Variants in GLUL observed in about 807,000 individuals in gnomAD.
GLUL encodes glutamate-ammonia ligase.
GLUL carries 8 observed loss-of-function variants against 36.9 expected under a neutral mutation model. The ratio of observed to expected loss-of-function variants is 0.22; its 90% CI spans 0.13 to 0.39. The LOEUF (loss-of-function observed/expected upper bound fraction) is 0.39, where lower values mean the gene tolerates loss of function less well. GLUL is among the 10% of genes least tolerant of loss of function. GLUL has a pLI of 1.00. For synonymous variants in GLUL, 182 were observed against 172.8 expected, an observed-to-expected ratio of 1.05 and a Z score of -0.42; for missense variants, 315 against 501.8, an observed-to-expected ratio of 0.63 and a Z score of 3.56.
chr1:182,388,931 T>C (rs1057422499), intron 1 of GLUL, 181 bp from the exon 2 acceptor site: 10 of 611,218 alleles, frequency 1.6e-5, no homozygotes, highest in Admixed American at 9.7e-5. Flanking sequence ...AGTTTTATAG[T>C]AGGCAAAAAT....
chr1:182,391,131 C>T, intron 1 of GLUL: 1 of 398,556 alleles, frequency 2.5e-6, no homozygotes, highest in Non-Finnish European at 4.4e-6. Flanking sequence ...TTGGAAGGCC[C>T]CCGGGACCCC....
chr1:182,383,213 GAC>G lies in GLUL; in HGVS notation c.*1190_*1191del, dbSNP rs1650013212. 6.6e-6 allele frequency: 1 copy of G among 152,224 alleles called. No individual in the cohort carries two copies. Among genetic ancestry groups the G allele is most frequent in the South Asian group, 2.1e-4 (1 of 4,836 alleles). 9.4% of individuals were successfully genotyped at this position (152,224 alleles called of 1,614,324 possible). ...ATCTCCTCCAAGAGCAGAGGTAGGA[GAC>G]AGTTGAAGCAAACAAGCAATTCTGT... On this transcript the variant is annotated 3_prime_UTR_variant, in exon 7 of 7. Coordinates refer to ENST00000331872, the MANE Select transcript of GLUL (RefSeq NM_001033044.4).
rs548591171 is a variant in GLUL, at chr1:182,379,078, G to A, written c.*5327C>T. ...ATTACAGGCTTGAGCCACCATGCCC[G>A]GCCTGAAGTAGAATTTTTTTAAATG... On this transcript the variant is annotated 3_prime_UTR_variant, in exon 7 of 7. Transcript: ENST00000331872. Among the ~76,000 whole-genome samples the A allele has an allele frequency of 2.3e-4, 35 of 150,970 alleles. No individual in the cohort carries two copies. The highest frequency in any genetic ancestry group is 6.8e-4 in the African/African-American group (28 of 41,120).
rs1351220409 is a variant in GLUL, at chr1:182,380,724, T to TA, written c.*3680dup. Reference sequence around the variant, plus strand: ...AAACTGATACTTAAAAATAACTTATTAAATAAGTATTGCAGGCACTACAAC... The same window carrying TA: ...AAACTGATACTTAAAAATAACTTATTAAAATAAGTATTGCAGGCACTACAAC... On this transcript the variant is annotated 3_prime_UTR_variant, in exon 7 of 7. Transcript: ENST00000331872. 2.6e-5 allele frequency among the ~76,000 whole-genome samples: 4 copies of TA among 152,218 alleles called. No homozygotes were observed. Among genetic ancestry groups the TA allele is most frequent in the African/African-American group, 9.6e-5 (4 of 41,454 alleles).
chr1:182,381,631 T>C lies in GLUL; in HGVS notation c.*2774A>G, dbSNP rs752788371. ...GTTGTTTTCACCTAAATTCTGATCC[T>C]ATGAATTTAAAATTCCTTCTCATGC... is the stretch of plus-strand genomic sequence containing the variant. On this transcript the variant is annotated 3_prime_UTR_variant, in exon 7 of 7. Coordinates refer to ENST00000331872, the MANE Select transcript of GLUL (RefSeq NM_001033044.4). 6.6e-6 allele frequency: 1 copy of C among 152,234 alleles called. No homozygotes were observed. The highest frequency in any genetic ancestry group is 1.5e-5 in the Non-Finnish European group (1 of 68,050). 9.4% of individuals were successfully genotyped at this position (152,234 alleles called of 1,614,324 possible). A position where few individuals can be genotyped will look rare whatever the true frequency, so the allele number is the denominator to read the frequency against.
chr1:182,385,008 T>C (rs1021312916), intron 6 of GLUL: 3 of 406,678 alleles, frequency 7.4e-6, no homozygotes, highest in Non-Finnish European at 1.3e-5. Context: ...TTCAAATGCA[T>C]GAATTTGTCA....
Position 182,381,421 on chromosome 1 carries a change from G to T in GLUL, c.*2984C>A, listed in dbSNP as rs1649923220. 6.6e-6 allele frequency among the ~76,000 whole-genome samples: 1 copy of T among 152,120 alleles called. No homozygotes were observed. The highest frequency in any genetic ancestry group is 1.5e-5 in the Non-Finnish European group (1 of 68,034). On this transcript the variant is annotated 3_prime_UTR_variant, in exon 7 of 7. Transcript: ENST00000331872. ...TGGAGACCTCCTTTTGTAAATACTGGCCTGACTCCTTAAGGTTGAAAGCTT... is the reference window on the plus strand; with the variant it reads ...TGGAGACCTCCTTTTGTAAATACTGTCCTGACTCCTTAAGGTTGAAAGCTT...
At position 182,380,609 on chromosome 1, in the gene GLUL, A is replaced by G. The variant is rs1571399504; in HGVS notation, c.*3796T>C. ...CTTCACCTGGCCTTGATTCTTTTTAAGCTCAATAAAAATGGAACTTTGTCT... is the reference window on the plus strand; with the variant it reads ...CTTCACCTGGCCTTGATTCTTTTTAGGCTCAATAAAAATGGAACTTTGTCT... On this transcript the variant is annotated 3_prime_UTR_variant, in exon 7 of 7. Transcript: ENST00000331872. 1.3e-5 allele frequency among the ~76,000 whole-genome samples: 2 copies of G among 152,340 alleles called. No individual in the cohort carries two copies. Among genetic ancestry groups the G allele is most frequent in the South Asian group, 4.1e-4 (2 of 4,826 alleles).
In GLUL at chr1:182,378,827, G is replaced by T. The variant is rs1350240192; in HGVS notation, c.*5578C>A. On this transcript the variant is annotated 3_prime_UTR_variant, in exon 7 of 7. Transcript: ENST00000331872. ...GAGTCACACTCTGTTGCCTAGGCTGGAGTGCAATGGTGCAAGCTTGGCTCA... is the reference window on the plus strand; with the variant it reads ...GAGTCACACTCTGTTGCCTAGGCTGTAGTGCAATGGTGCAAGCTTGGCTCA... 6.6e-6 allele frequency among the ~76,000 whole-genome samples: 1 copy of T among 152,102 alleles called. No homozygotes were observed. The highest frequency in any genetic ancestry group is 1.5e-5 in the Non-Finnish European group (1 of 68,028).
Position 182,386,384 on chromosome 1 carries a change from G to A in GLUL, c.347C>T (p.Thr116Ile), listed in dbSNP as rs144782603. 321 of 1,612,342 alleles carry A rather than the reference G, an allele frequency of 2.0e-4. 1 individual carries two copies. The highest frequency in any genetic ancestry group is 2.2e-4 in the Non-Finnish European group (263 of 1,178,332). ...CACCATGTCCATTATCCGTTTACAG[G>A]TGTGCCTCAAATTGGTCTCTAGAAA... ...RRPAETNLRH[T>I]CKRIMDMVSN... Residue 116 changes from threonine to isoleucine, a missense_variant, in exon 4 of 7, where the codon ACC (threonine) becomes ATC (isoleucine). Physicochemically the swap from Thr to Ile is moderately conservative, Grantham distance 89. Transcript: ENST00000331872.
intron 1 of GLUL, chr1:182,390,115 C>T (rs757442540): frequency 6.3e-6 from 1 of 158,548 alleles, no homozygotes; most frequent in South Asian, 2.1e-4. Context: ...CCCAGCTACT[C>T]GGGAGGCTGA....
chr1:182,384,190 T>G lies in GLUL; in HGVS notation c.*215A>C. The G allele has an allele frequency of 1.8e-6, 1 of 556,210 alleles. No individual in the cohort carries two copies. The allele number at this position is 556,210 out of a possible 1,614,324, so 34.5% of individuals were successfully genotyped here. The stretch of plus-strand genomic sequence containing the variant: ...CTAATGCACTAAAAAGCTTCAGTGA[T>G]AGGGAAAAAAAGGAGGGTAGGTGTG... On this transcript the variant is annotated 3_prime_UTR_variant, in exon 7 of 7. Transcript: ENST00000331872.
At position 182,384,730 on chromosome 1, in the gene GLUL, TA is replaced by T; in HGVS notation, c.804-8del. ...AATGGCCTCCTCGATGTACCTAGAG[TA>T]AACAGAAAAGATGGCAGTCCAACCT... On this transcript the variant is annotated splice_polypyrimidine_tract_variant and splice_region_variant and intron_variant, in intron 6 of 6. Transcript: ENST00000331872. The T allele has an allele frequency of 1.2e-6, 2 of 1,611,432 alleles. No homozygotes were observed. The highest frequency in any genetic ancestry group is 1.7e-6 in the Non-Finnish European group (2 of 1,177,650).
At chr1:182,386,122 G>A (rs957662125) in intron 4 of GLUL, 134 bp downstream of exon 4, 49 of 965,800 alleles carry the variant, frequency 5.1e-5, no homozygotes, top group Non-Finnish European at 1.2e-5. Flanking sequence ...GGACTTTGGT[G>A]ATGTGAGGGC....
At chr1:182,389,589 A>T (rs1650323145) in intron 1 of GLUL, 1 of 152,226 alleles carries the variant, frequency 6.6e-6, no homozygotes, top group African/African-American at 2.4e-5. Context: ...TTCTAAATCA[A>T]AAAGATCTGG....
rs145213192 is a variant in GLUL, at chr1:182,378,684, T to A, written c.*5721A>T. Among the ~76,000 whole-genome samples, 1 of 152,354 alleles carries A rather than the reference T, an allele frequency of 6.6e-6. No homozygotes were observed. Among genetic ancestry groups the A allele is most frequent in the African/African-American group, 2.4e-5 (1 of 41,584 alleles). ...ATATGTATTGTGCTTGTATTGTGTATCTAATGTGTACATATATGCATATTC... is the reference window on the plus strand; with the variant it reads ...ATATGTATTGTGCTTGTATTGTGTAACTAATGTGTACATATATGCATATTC... On this transcript the variant is annotated 3_prime_UTR_variant, in exon 7 of 7. Transcript: ENST00000331872.
chr1:182,388,928 T>C (rs552222479), intron 1 of GLUL, 178 bp from the exon 2 acceptor site: 9 of 621,592 alleles, frequency 1.4e-5, no homozygotes, highest in Middle Eastern at 4.3e-4. Flanking sequence ...ATTAGTTTTA[T>C]AGTAGGCAAA....
At chr1:182,390,149 A>C (rs532638885) in intron 1 of GLUL, 1 of 169,168 alleles carries the variant, frequency 5.9e-6, no homozygotes, top group Admixed American at 6.4e-5. Context: ...CCTGAACCCC[A>C]GAGGCAGAGG....
rs766410836 is a variant in GLUL, at chr1:182,387,298, G to A, written c.167-6C>T. The stretch of plus-strand genomic sequence containing the variant: ...GAAATTCCACTCAGGCAACTCTGGG[G>A]CAAAAAGAGGGAAAATTACATTTAA... On this transcript the variant is annotated splice_polypyrimidine_tract_variant and splice_region_variant and intron_variant, in intron 2 of 6. Coordinates refer to ENST00000331872, the MANE Select transcript of GLUL (RefSeq NM_001033044.4). 1.2e-6 allele frequency: 2 copies of A among 1,608,156 alleles called. No homozygotes were observed. The highest frequency in any genetic ancestry group is 2.7e-5 in the African/African-American group (2 of 74,776).
Sources: allele counts gnomAD v4.1 joint callset (sites outside exome capture counted in the v4.1 genomes callset), GRCh38; gene constraint gnomAD v4.1.1; transcripts MANE v1.5; gene names NCBI Gene and HGNC (gene_info 2026-07-23, HGNC 2026-07-21).